Variants in THEMIS observed in about 807,000 individuals in gnomAD.
THEMIS encodes the protein thymocyte selection associated, also known as protein THEMIS.
In THEMIS, 37 loss-of-function variants were observed where a neutral mutation model predicts 52.6. That is an observed-to-expected ratio of 0.70 (90% confidence interval 0.54 to 0.93). The LOEUF is 0.93. THEMIS is among the 40% of genes least tolerant of loss of function. THEMIS has a pLI of 0.00. For synonymous variants in THEMIS, 292 were observed against 272.7 expected (o/e 1.07, Z -0.70); for missense variants, 808 against 763.1 (o/e 1.06, Z -0.69).
At chr6:127,868,507 A>T (rs1342648593) in intron 1 of THEMIS, 1 of 984,764 alleles carries the variant, frequency 1.0e-6, no homozygotes, top group Non-Finnish European at 1.2e-6. Context: ...GTGTGCCACA[A>T]ATTGGTTACA....
chr6:127,852,670 T>C (rs765558293), intron 2 of THEMIS, among the ~76,000 whole-genome samples: 20 of 151,566 alleles, frequency 1.3e-4, no homozygotes, highest in Non-Finnish European at 2.4e-4. Flanking sequence ...TTTAAAATAG[T>C]ATAAATAAAG....
chr6:127,869,021 T>C (rs1780070620), intron 1 of THEMIS, among the ~76,000 whole-genome samples: 1 of 152,142 alleles, frequency 6.6e-6, no homozygotes, highest in Admixed American at 6.6e-5. Context: ...TATACAAATA[T>C]ACGATTGCAA....
chr6:127,811,308 C>T (rs78699961), intron 4 of THEMIS, among the ~76,000 whole-genome samples: 2,005 of 152,316 alleles, frequency 0.013, 46 homozygotes, highest in African/African-American at 0.046. Context: ...TTGTCAGCTG[C>T]ACTCCTTCCT....
At chr6:127,746,773 TTATA>T (rs1775413571) in intron 4 of THEMIS, among the ~76,000 whole-genome samples, 1 of 57,544 alleles carries the variant, frequency 1.7e-5, no homozygotes, top group Non-Finnish European at 2.7e-5. Context: ...TATAATTATA[TTATA>T]TATAATTATA....
chr6:127,917,692 G>A (rs1162487862), intron 1 of THEMIS, among the ~76,000 whole-genome samples: 3 of 152,164 alleles, frequency 2.0e-5, no homozygotes, highest in Non-Finnish European at 4.4e-5. Flanking sequence ...TAGTTGAAGA[G>A]AGACCAACAC....
chr6:127,883,478 C>A (rs1780550221), intron 1 of THEMIS, among the ~76,000 whole-genome samples: 1 of 151,114 alleles, frequency 6.6e-6, no homozygotes. Context: ...TACATGTAGC[C>A]AAACATACAA....
intron 2 of THEMIS, among the ~76,000 whole-genome samples, chr6:127,832,173 G>A (rs1038747813): frequency 1.3e-5 from 2 of 152,052 alleles, no homozygotes; most frequent in Non-Finnish European, 2.9e-5. Context: ...CTCACCTAAG[G>A]TAATAACAGA....
intron 2 of THEMIS, among the ~76,000 whole-genome samples, chr6:127,836,407 T>G (rs2114681521): frequency 6.6e-6 from 1 of 152,302 alleles, no homozygotes; most frequent in South Asian, 2.1e-4. Flanking sequence ...TATGCTGTGG[T>G]GTTTCCTTGT....
chr6:127,873,984 CT>C (rs1394092334), intron 1 of THEMIS, among the ~76,000 whole-genome samples: 5 of 152,184 alleles, frequency 3.3e-5, no homozygotes, highest in African/African-American at 2.4e-5. Flanking sequence ...AGGAATTCAA[CT>C]TTTTCTTGCA....
rs1466867347 is a variant in THEMIS, at chr6:127,719,767, T to A, written c.1815A>T (p.Ser605=). 6.2e-7 allele frequency: 1 copy of A among 1,612,362 alleles called. No homozygotes were observed. Residue 605 remains serine (S), a synonymous_variant, in exon 5 of 6, where the codon TCA becomes TCT. Transcript: ENST00000368248. The stretch of plus-strand genomic sequence containing the variant: ...CATTCTGACTACCAATCAGTACTTT[T>A]GAATCCAGGCCAGCTTGATTTGGGT... ...KLHPNQAGLD[S]KVLIGSQNDL...
intron 4 of THEMIS, among the ~76,000 whole-genome samples, chr6:127,768,126 T>C (rs2114422320): frequency 6.6e-6 from 1 of 152,328 alleles, no homozygotes; most frequent in Middle Eastern, 3.4e-3. Flanking sequence ...CACATGCACA[T>C]AAACACACAA....
chr6:127,697,232 A>G, the THEMIS span, among the ~76,000 whole-genome samples: 1 of 152,190 alleles, frequency 6.6e-6, no homozygotes, highest in Admixed American at 6.5e-5. Context: ...AAATTCTTCA[A>G]GTCATCCTTG....
At chr6:127,840,178 C>G (rs984636722) in intron 2 of THEMIS, among the ~76,000 whole-genome samples, 5 of 151,976 alleles carry the variant, frequency 3.3e-5, no homozygotes, top group African/African-American at 7.2e-5. Context: ...AACATTTTTA[C>G]TTCTATGTAT....
chr6:127,859,133 C>A (rs1271099520), intron 1 of THEMIS, among the ~76,000 whole-genome samples: 2 of 152,022 alleles, frequency 1.3e-5, no homozygotes, highest in African/African-American at 4.8e-5. Flanking sequence ...ATGTTTCTCC[C>A]CTTTACTCAA....
intron 4 of THEMIS, among the ~76,000 whole-genome samples, chr6:127,795,392 G>A (rs1002108009): frequency 6.6e-6 from 1 of 152,038 alleles, no homozygotes; most frequent in Admixed American, 6.6e-5. Context: ...GCAGTGGCAC[G>A]ATCTCGGCTC....
intron 2 of THEMIS, among the ~76,000 whole-genome samples, chr6:127,831,596 CT>C (rs1562286820): frequency 1.3e-5 from 2 of 152,108 alleles, no homozygotes; most frequent in Non-Finnish European, 2.9e-5. Context: ...TTTTTGGTTA[CT>C]GTTCAAAGAT....
At chr6:127,853,352 T>C (rs962923007) in intron 2 of THEMIS, among the ~76,000 whole-genome samples, 9 of 151,736 alleles carry the variant, frequency 5.9e-5, no homozygotes, top group Admixed American at 1.3e-4. Flanking sequence ...AGTATCACAC[T>C]GGGAGCTTTA....
chr6:127,746,958 A>G (rs1266400778), intron 4 of THEMIS, among the ~76,000 whole-genome samples: 1 of 84,902 alleles, frequency 1.2e-5, no homozygotes, highest in African/African-American at 4.9e-5. Flanking sequence ...AATTATATAT[A>G]GATATCTATA....
chr6:127,826,924 C>A (rs1335040755), intron 3 of THEMIS, among the ~76,000 whole-genome samples: 2 of 151,842 alleles, frequency 1.3e-5, no homozygotes, highest in African/African-American at 2.4e-5. Flanking sequence ...ACAAATACTT[C>A]ATTTAAACAT....
Sources: gnomAD v4.1 joint callset for allele counts (sites outside exome capture counted in the v4.1 genomes callset) on GRCh38, gnomAD v4.1.1 for gene constraint, MANE v1.5 for transcripts, NCBI Gene and HGNC (gene_info 2026-07-23, HGNC 2026-07-21) for gene names.